The following CCDC171 variants were observed in gnomAD, a reference collection of about 807,000 sequenced individuals.
The protein encoded by CCDC171 is coiled-coil domain containing 171.
In CCDC171, 177 loss-of-function variants were observed where a neutral mutation model predicts 168.2. That is an observed-to-expected ratio of 1.05 (90% CI 0.93 to 1.19). The LOEUF (loss-of-function observed/expected upper bound fraction) is 1.19, where lower values mean the gene tolerates loss of function less well. Ranked by LOEUF, CCDC171 falls within the 50% of genes most tolerant of loss-of-function variation. The pLI is 0.00. For missense variants in CCDC171, 1,991 were observed against 1,539.0 expected (o/e 1.29, Z -4.91); for synonymous variants, 687 against 540.8 (o/e 1.27, Z -3.75).
At chr9:15,631,859 T>G (rs1035460303) in intron 7 of CCDC171, among the ~76,000 whole-genome samples, 19 of 152,076 alleles carry the variant, frequency 1.2e-4, no homozygotes, top group African/African-American at 2.6e-4. Flanking sequence ...TGCAAGGCTG[T>G]TTCAATATAT....
At chr9:15,582,793 G>C (rs2041237060) in intron 4 of CCDC171, among the ~76,000 whole-genome samples, 1 of 151,876 alleles carries the variant, frequency 6.6e-6, no homozygotes, top group Admixed American at 6.6e-5. Flanking sequence ...GAGGTGGGGG[G>C]CTGGGGGAGG....
chr9:16,027,712 G>T (rs1833300526), intron 6 of CCDC171, among the ~76,000 whole-genome samples: 2 of 152,160 alleles, frequency 1.3e-5, no homozygotes, highest in Admixed American at 1.3e-4. Context: ...AAAGGGCTGA[G>T]TTTTTCAGTG....
chr9:15,863,733 C>T (rs2061656995), intron 23 of CCDC171, among the ~76,000 whole-genome samples: 1 of 152,042 alleles, frequency 6.6e-6, no homozygotes, highest in South Asian at 2.1e-4. Flanking sequence ...TCCTCAAGGA[C>T]AGTTCCTGTT....
chr9:15,772,226 C>T (rs554558743), intron 18 of CCDC171, among the ~76,000 whole-genome samples: 49 of 152,280 alleles, frequency 3.2e-4, no homozygotes, highest in Admixed American at 3.0e-3. Context: ...GTTCGTGGAT[C>T]GATCTATTTC....
chr9:15,745,104 G>C (rs989643321), intron 17 of CCDC171, among the ~76,000 whole-genome samples: 3 of 152,094 alleles, frequency 2.0e-5, no homozygotes, highest in African/African-American at 7.2e-5. Flanking sequence ...AAACTGCCCT[G>C]TTTCAAATTA....
the CCDC171 span, among the ~76,000 whole-genome samples, chr9:16,088,945 A>T: frequency 6.6e-6 from 1 of 152,210 alleles, no homozygotes; most frequent in African/African-American, 2.4e-5. Flanking sequence ...GCATCTTGCT[A>T]CCTGACTTCA....
chr9:16,065,529 G>A (rs1382051858), downstream of CCDC171, among the ~76,000 whole-genome samples: 1 of 152,164 alleles, frequency 6.6e-6, no homozygotes, highest in Non-Finnish European at 1.5e-5. Context: ...TGAAGTGGAG[G>A]AAGAGTTACA....
intron 3 of CCDC171, among the ~76,000 whole-genome samples, chr9:15,986,747 C>T (rs1832003539): frequency 6.6e-6 from 1 of 152,136 alleles, no homozygotes; most frequent in Non-Finnish European, 1.5e-5. Context: ...TGACTATTTC[C>T]ATTCTGTTGT....
intron 24 of CCDC171, 142 bp downstream of exon 24, chr9:15,874,805 G>A (rs561511805): frequency 3.8e-6 from 3 of 786,990 alleles, no homozygotes; most frequent in Non-Finnish European, 5.5e-6. Context: ...CTTCTATCAT[G>A]TAACAGTATA....
At chr9:15,778,360 C>G (rs997222559) in intron 19 of CCDC171, among the ~76,000 whole-genome samples, 2 of 130,746 alleles carry the variant, frequency 1.5e-5, no homozygotes, top group Non-Finnish European at 3.2e-5. Flanking sequence ...AATCACTGGC[C>G]AGGCGCGGTG....
intron 3 of CCDC171, among the ~76,000 whole-genome samples, chr9:15,575,415 C>T (rs1435960354): frequency 6.6e-6 from 1 of 151,990 alleles, no homozygotes; most frequent in Non-Finnish European, 1.5e-5. Context: ...CTCAAGTGAT[C>T]CACCCACCTT....
intron 3 of CCDC171, among the ~76,000 whole-genome samples, chr9:16,018,350 C>A (rs1181751536): frequency 1.3e-5 from 2 of 152,194 alleles, no homozygotes; most frequent in Non-Finnish European, 2.9e-5. Context: ...TATACTCCCA[C>A]ATTGCAGGGG....
intron 6 of CCDC171, among the ~76,000 whole-genome samples, chr9:16,031,112 T>C (rs1417246383): frequency 1.3e-5 from 2 of 152,200 alleles, no homozygotes; most frequent in Admixed American, 6.5e-5. Context: ...CTTTCTCTTC[T>C]TTCTTGAATG....
At chr9:15,913,320 G>T (rs1330067096) in intron 24 of CCDC171, among the ~76,000 whole-genome samples, 3 of 152,180 alleles carry the variant, frequency 2.0e-5, no homozygotes, top group Non-Finnish European at 2.9e-5. Flanking sequence ...TTGCATAGGG[G>T]TATTTATAGT....
intron 3 of CCDC171, among the ~76,000 whole-genome samples, chr9:16,010,923 C>T (rs547210236): frequency 3.3e-5 from 5 of 152,228 alleles, no homozygotes; most frequent in Admixed American, 1.3e-4. Flanking sequence ...ATCTGACTGT[C>T]ATGTGGTAGA....
intron 7 of CCDC171, among the ~76,000 whole-genome samples, chr9:15,631,871 C>G (rs988544266): frequency 2.0e-5 from 3 of 152,034 alleles, no homozygotes; most frequent in Non-Finnish European, 4.4e-5. Flanking sequence ...TCAATATATG[C>G]AAATCAATAA....
intron 6 of CCDC171, among the ~76,000 whole-genome samples, chr9:15,615,526 T>C (rs1160659655): frequency 6.6e-6 from 1 of 152,186 alleles, no homozygotes; most frequent in African/African-American, 2.4e-5. Context: ...TACTCTTAAA[T>C]AAAAGCCATT....
intron 7 of CCDC171, among the ~76,000 whole-genome samples, chr9:15,655,344 C>G (rs1278539129): frequency 2.6e-5 from 4 of 152,138 alleles, no homozygotes; most frequent in Non-Finnish European, 5.9e-5. Context: ...CATGGCTTTT[C>G]TTTGCTACTG....
the CCDC171 span, among the ~76,000 whole-genome samples, chr9:16,068,882 A>C: frequency 6.6e-6 from 1 of 152,122 alleles, no homozygotes; most frequent in East Asian, 1.9e-4. Context: ...CAAAGTCTGG[A>C]GGGGTCCCGC....
Sources: gnomAD v4.1 joint callset for allele counts (sites outside exome capture counted in the v4.1 genomes callset) on GRCh38, gnomAD v4.1.1 for gene constraint, MANE v1.5 for transcripts, NCBI Gene and HGNC (gene_info 2026-07-23, HGNC 2026-07-21) for gene names.